SCARB2: variants seen among roughly 807,000 people sequenced by gnomAD.
SCARB2 encodes the protein lysosome membrane protein 2.
Under a neutral mutation model 58.6 loss-of-function variants are expected in SCARB2, and 29 were observed. The ratio of observed to expected loss-of-function variants is 0.49; its 90% CI spans 0.37 to 0.67. The LOEUF (loss-of-function observed/expected upper bound fraction) is 0.67, where lower values mean the gene tolerates loss of function less well. SCARB2 is among the 30% of genes least tolerant of loss of function. The pLI, the probability that SCARB2 is intolerant of heterozygous loss-of-function variation, is 0.00. For missense variants in SCARB2, 488 were observed against 578.5 expected, an observed-to-expected ratio of 0.84 and a Z score of 1.60; for synonymous variants, 195 against 210.1, an observed-to-expected ratio of 0.93 and a Z score of 0.62.
chr4:76,212,300 C>T lies in SCARB2; in HGVS notation c.117+1127G>A, dbSNP rs79766965. Among the ~76,000 whole-genome samples the T allele has an allele frequency of 8.6e-3, 1,313 of 152,218 alleles. 24 individuals carry two copies. Among genetic ancestry groups the T allele is most frequent in the African/African-American group, 0.03 (1,257 of 41,500 alleles). The stretch of plus-strand genomic sequence containing the variant: ...GACAGTGGGCCTTGTCTTCCCTTGG[C>T]AATGTGAACTTTAAAAATTACATTA... On this transcript the variant is annotated intron_variant, in intron 1 of 11. Coordinates refer to ENST00000264896, the MANE Select transcript of SCARB2 (RefSeq NM_005506.4).
At chr4:76,162,554 A>C (rs1731920765) in intron 11 of SCARB2, 3 of 153,808 alleles carry the variant, frequency 2.0e-5, no homozygotes, top group Admixed American at 1.9e-4. Flanking sequence ...CAGGAAAGTA[A>C]CTACACCCAT....
chr4:76,222,850 GC>G (rs1474139496), intron 1 of SCARB2, among the ~76,000 whole-genome samples: 3 of 152,200 alleles, frequency 2.0e-5, no homozygotes, highest in South Asian at 2.1e-4. Flanking sequence ...GGACTAGTAA[GC>G]CCCAGCTGAG....
chr4:76,215,543 A>G (rs1468647398), upstream of SCARB2, among the ~76,000 whole-genome samples: 1 of 152,244 alleles, frequency 6.6e-6, no homozygotes, highest in Non-Finnish European at 1.5e-5. Flanking sequence ...GGTGGGGTCT[A>G]TACTTTCTCG....
At chr4:76,206,862 C>T (rs1480169567) in intron 1 of SCARB2, among the ~76,000 whole-genome samples, 1 of 151,950 alleles carries the variant, frequency 6.6e-6, no homozygotes, top group African/African-American at 2.4e-5. Context: ...TTACTGATGG[C>T]CCAAACTCCT....
At chr4:76,194,965 C>T (rs116757365) in intron 2 of SCARB2, 2,089 of 152,194 alleles carry the variant, frequency 0.014, 19 homozygotes, top group South Asian at 0.034. Context: ...AGAAAAGGAG[C>T]GGGTAAGAAA....
chr4:76,168,015 A>T (rs1330183278), intron 9 of SCARB2, among the ~76,000 whole-genome samples: 1 of 152,114 alleles, frequency 6.6e-6, no homozygotes, highest in African/African-American at 2.4e-5. Context: ...ACAGTCTAAT[A>T]CACCAAGAGA....
chr4:76,164,916 A>G (rs1401633200), intron 10 of SCARB2: 2 of 152,158 alleles, frequency 1.3e-5, no homozygotes, highest in African/African-American at 4.8e-5. Context: ...TGGTGTGGCA[A>G]CAGTCTCCAA....
chr4:76,203,093 G>T (rs1732862831), intron 1 of SCARB2, among the ~76,000 whole-genome samples: 1 of 152,124 alleles, frequency 6.6e-6, no homozygotes. Flanking sequence ...TCATGCCTCA[G>T]CCACTGGAGT....
At position 76,159,886 on chromosome 4, in the gene SCARB2, T is replaced by C. The variant is rs1731861255; in HGVS notation, c.*1827A>G. On this transcript the variant is annotated 3_prime_UTR_variant, in exon 12 of 12. Transcript: ENST00000264896. ...GATAATAGGACTAAACCAATAAGTA[T>C]GCACTAGCATTGTCAATTTTATTAG... The C allele has an allele frequency of 6.6e-6, 1 of 152,234 alleles. No individual in the cohort carries two copies. The highest frequency in any genetic ancestry group is 1.5e-5 in the Non-Finnish European group (1 of 68,044). The allele number at this position is 152,234 out of a possible 1,614,324, so 9.4% of individuals were successfully genotyped here.
intron 1 of SCARB2, among the ~76,000 whole-genome samples, chr4:76,199,200 A>C (rs1732779289): frequency 6.6e-6 from 1 of 152,218 alleles, no homozygotes; most frequent in Non-Finnish European, 1.5e-5. Flanking sequence ...AAGCCAGTAA[A>C]TGAAATCAAA....
At position 76,176,596 on chromosome 4, in the gene SCARB2, G is replaced by C. The variant is rs185163784; in HGVS notation, c.613-68C>G. 3.1e-5 allele frequency: 35 copies of C among 1,111,288 alleles called. No individual in the cohort carries two copies. In the East Asian group the frequency reaches 7.8e-4, roughly 25 times the overall value. 68.8% of individuals were successfully genotyped at this position (1,111,288 alleles called of 1,614,324 possible). ...TTTTATGACAACTTGGCTAGACTAT[G>C]GTGCCCAGTTGTTTGGTCAAACACT... On this transcript the variant is annotated intron_variant, in intron 4 of 11. Coordinates refer to ENST00000264896, the MANE Select transcript of SCARB2 (RefSeq NM_005506.4).
At chr4:76,195,919 A>C in intron 1 of SCARB2, 55 bp from the exon 2 acceptor site, 1 of 1,450,866 alleles carries the variant, frequency 6.9e-7, no homozygotes, top group South Asian at 1.2e-5. Flanking sequence ...GTTGGCTTTA[A>C]ACCCAAGAAG....
chr4:76,185,777 T>C (rs1474652784), intron 2 of SCARB2, among the ~76,000 whole-genome samples: 2 of 152,214 alleles, frequency 1.3e-5, no homozygotes, highest in Non-Finnish European at 2.9e-5. Flanking sequence ...TGAGAATTAC[T>C]ATTAAGAAGT....
chr4:76,175,335 G>C (rs1411113016), intron 6 of SCARB2: 1 of 192,146 alleles, frequency 5.2e-6, no homozygotes, highest in South Asian at 1.1e-4. Context: ...TCCATGTAGA[G>C]ACTACCTATT....
chr4:76,217,814 T>C (rs548119109), upstream of SCARB2: 4 of 403,122 alleles, frequency 9.9e-6, no homozygotes, highest in South Asian at 3.7e-4. Context: ...CAAGTACACT[T>C]AATGAATGAT....
In SCARB2 at chr4:76,195,738, G is replaced by A. The variant is rs142690468; in HGVS notation, c.244C>T (p.Arg82Trp). Reference sequence around the variant, plus strand: ...GTGTATGGCCCCACTTCTTCCACCCGAGGGGTCTCCCCTCTGAGGATCTCC... The same window carrying A: ...GTGTATGGCCCCACTTCTTCCACCCAAGGGGTCTCCCCTCTGAGGATCTCC... The part of the protein sequence containing the change: ...PEEILRGETP[R>W]VEEVGPYTYR... Residue 82 changes from arginine (R) to tryptophan (W), a missense_variant, in exon 2 of 12, where the codon CGG becomes TGG. Transcript: ENST00000264896. 102 of 1,613,936 alleles carry A rather than the reference G, an allele frequency of 6.3e-5. No individual in the cohort carries two copies. Among genetic ancestry groups the A allele is most frequent in the Non-Finnish European group, 7.7e-5 (91 of 1,179,942 alleles).
Position 76,174,257 on chromosome 4 carries a change from C to A in SCARB2, c.881G>T (p.Arg294Leu), listed in dbSNP as rs752667549. Reference protein sequence around the residue: ...YESVQGLPAFRYKVPAEILAN... With the variant: ...YESVQGLPAFLYKVPAEILAN... Reference sequence around the variant, plus strand: ...TAATATTTCTGCAGGAACTTTATACCGAAAGGCAGGCAGTCCCTGTACACT... The same window carrying A: ...TAATATTTCTGCAGGAACTTTATACAGAAAGGCAGGCAGTCCCTGTACACT... Residue 294 changes from arginine to leucine, a missense_variant, in exon 7 of 12, where the codon CGG (arginine) becomes CTG (leucine). By Grantham distance (102) the Arg-to-Leu change is moderately radical (BLOSUM62 -2). Coordinates refer to ENST00000264896, the MANE Select transcript of SCARB2 (RefSeq NM_005506.4). 1.2e-6 allele frequency: 2 copies of A among 1,614,096 alleles called. No homozygotes were observed. The highest frequency in any genetic ancestry group is 2.2e-5 in the South Asian group (2 of 91,074).
Position 76,161,464 on chromosome 4 carries a change from G to C in SCARB2, c.*249C>G, listed in dbSNP as rs1015547335. 3 of 559,726 alleles carry C rather than the reference G, an allele frequency of 5.4e-6. No homozygotes were observed. The highest frequency in any genetic ancestry group is 9.6e-6 in the Non-Finnish European group (3 of 312,146). The allele number at this position is 559,726 out of a possible 1,614,324, so 34.7% of individuals were successfully genotyped here. ...AACAACAACAAAATTACTATACAAG[G>C]GTTTATTAAATACTTGCTAGACACA... On this transcript the variant is annotated 3_prime_UTR_variant, in exon 12 of 12. Coordinates refer to ENST00000264896, the MANE Select transcript of SCARB2 (RefSeq NM_005506.4).
At chr4:76,197,990 C>G (rs1732749319) in intron 1 of SCARB2, among the ~76,000 whole-genome samples, 1 of 152,116 alleles carries the variant, frequency 6.6e-6, no homozygotes, top group Admixed American at 6.5e-5. Context: ...AAAGAGAACT[C>G]ACTTCATCTT....
Sources: allele counts gnomAD v4.1 joint callset (sites outside exome capture counted in the v4.1 genomes callset), GRCh38; gene constraint gnomAD v4.1.1; transcripts MANE v1.5; gene names NCBI Gene and HGNC (gene_info 2026-07-23, HGNC 2026-07-21).